SOAT1: variants seen among roughly 807,000 people sequenced by gnomAD.
SOAT1 encodes the protein acyl-coenzyme A:cholesterol acyltransferase 1.
SOAT1 carries 55 observed loss-of-function variants against 69.5 expected under a neutral mutation model. The ratio of observed to expected loss-of-function variants is 0.79; its 90% CI spans 0.64 to 0.99. SOAT1 has a LOEUF of 0.99. Among genes scored for constraint, SOAT1 ranks in the 50% least tolerant of loss-of-function variants. SOAT1 has a pLI of 0.00. For missense variants in SOAT1, 580 were observed against 669.3 expected (o/e 0.87, Z 1.47); for synonymous variants, 231 against 224.7 (o/e 1.03, Z -0.25).
intron 3 of SOAT1, among the ~76,000 whole-genome samples, chr1:179,327,561 A>G (rs931062078): frequency 6.6e-6 from 1 of 152,226 alleles, no homozygotes; most frequent in South Asian, 2.1e-4. Flanking sequence ...GTCCAGTCGA[A>G]TTTGAATTTC....
At chr1:179,306,437 C>T (rs573508710) in intron 2 of SOAT1, among the ~76,000 whole-genome samples, 2 of 152,250 alleles carry the variant, frequency 1.3e-5, no homozygotes, top group Admixed American at 6.5e-5. Flanking sequence ...GCAGTATTTC[C>T]TTCTTTTACT....
In SOAT1 at chr1:179,335,744, T is replaced by C. The variant is rs1252234611; in HGVS notation, c.329+87T>C. Reference sequence around the variant, plus strand: ...TGGACTGCGGCAAATATGCTTGAGTTCACACCCTGGTGTCACTTTCTATTG... The same window carrying C: ...TGGACTGCGGCAAATATGCTTGAGTCCACACCCTGGTGTCACTTTCTATTG... On this transcript the variant is annotated intron_variant, in intron 4 of 15. Transcript: ENST00000367619. The C allele has an allele frequency of 8.3e-6, 11 of 1,317,690 alleles. No homozygotes were observed. In the East Asian group the frequency reaches 2.6e-4, roughly 32 times the overall value. The allele number at this position is 1,317,690 out of a possible 1,614,324, so 81.6% of individuals were successfully genotyped here.
intron 3 of SOAT1, 98 bp from the exon 4 acceptor site, chr1:179,335,408 T>C (rs1412560667): frequency 9.4e-7 from 1 of 1,068,478 alleles, no homozygotes; most frequent in East Asian, 2.5e-5. Context: ...ATGTCTTTCT[T>C]TTGATCCAGC....
intron 8 of SOAT1, 33 bp from the exon 9 acceptor site, chr1:179,342,829 G>GC (rs1666386710): frequency 6.6e-7 from 1 of 1,513,230 alleles, no homozygotes; most frequent in African/African-American, 1.4e-5. Flanking sequence ...AAATCAAAGA[G>GC]CCTTTGCTCT....
intron 2 of SOAT1, among the ~76,000 whole-genome samples, chr1:179,321,900 T>G (rs1032327833): frequency 1.3e-5 from 2 of 152,008 alleles, no homozygotes; most frequent in Non-Finnish European, 2.9e-5. Context: ...TTTTTTTTTT[T>G]GAGACAGGGT....
In SOAT1 at chr1:179,302,791, C is replaced by T. The variant is rs775316827; in HGVS notation, c.107C>T (p.Thr36Ile). ...AACCCTGCAAAGGAGTCCCTAGAGACACCTAGTAATGGTGAGGCTTAATTT... is the reference window on the plus strand; with the variant it reads ...AACCCTGCAAAGGAGTCCCTAGAGATACCTAGTAATGGTGAGGCTTAATTT... Reference protein sequence around the residue: ...QRNPAKESLETPSNGRIDIKQ... With the variant: ...QRNPAKESLEIPSNGRIDIKQ... The change falls in exon 2 of 16, where the codon ACA becomes ATA. Residue 36 changes from threonine (T) to isoleucine (I), a missense_variant. Transcript: ENST00000367619. 2 of 1,569,148 alleles carry T rather than the reference C, an allele frequency of 1.3e-6. No individual in the cohort carries two copies. Among genetic ancestry groups the T allele is most frequent in the Admixed American group, 4.1e-5 (2 of 48,326 alleles).
At chr1:179,305,486 A>G (rs1268392771) in intron 2 of SOAT1, among the ~76,000 whole-genome samples, 2 of 112,188 alleles carry the variant, frequency 1.8e-5, no homozygotes, top group East Asian at 6.5e-4. Flanking sequence ...GTCAGTTGAT[A>G]TTTATTTTGG....
intron 1 of SOAT1, among the ~76,000 whole-genome samples, chr1:179,302,025 CTT>C (rs5779019): frequency 0.028 from 4,010 of 141,886 alleles, 145 homozygotes; most frequent in African/African-American, 0.088. Context: ...CTATTTAATC[CTT>C]TTTTTTTTTT....
rs149858295 is a variant in SOAT1 at position 179,353,632 on chromosome 1, C to A, written c.1644C>A (p.Tyr548Ter). 4 of 1,613,332 alleles carry A rather than the reference C, an allele frequency of 2.5e-6. No individual in the cohort carries two copies. The African/African-American group carries it at 5.3e-5, about 22-fold the overall frequency. ...YVRPRSWTCR[Y>*]VF ...GGCCACGTTCCTGGACTTGTCGTTA[C>A]GTGTTTTAGAAGCTTGGACTTTGTT... Residue 548 changes from tyrosine to a stop codon, truncating the protein, a stop_gained, in exon 16 of 16, where the codon TAC becomes TAA. Transcript: ENST00000367619. LOFTEE classifies it high-confidence loss of function.
chr1:179,323,923 G>C (rs546324564), intron 3 of SOAT1, among the ~76,000 whole-genome samples: 2 of 152,202 alleles, frequency 1.3e-5, no homozygotes, highest in South Asian at 2.1e-4. Flanking sequence ...ATTTCAAGTG[G>C]GGATAAATAG....
intron 2 of SOAT1, among the ~76,000 whole-genome samples, chr1:179,304,114 A>G (rs1037065660): frequency 6.6e-6 from 1 of 152,272 alleles, no homozygotes; most frequent in South Asian, 2.1e-4. Flanking sequence ...AAGTGTAACA[A>G]CCTCTTTGGT....
chr1:179,327,380 C>T (rs892117275), intron 3 of SOAT1, among the ~76,000 whole-genome samples: 22 of 152,260 alleles, frequency 1.4e-4, no homozygotes, highest in East Asian at 7.7e-4. Flanking sequence ...GAGAGCATTG[C>T]ACTAGTTGTC....
At chr1:179,295,345 C>T (rs59623089) in intron 1 of SOAT1, among the ~76,000 whole-genome samples, 2,680 of 152,280 alleles carry the variant, frequency 0.018, 84 homozygotes, top group African/African-American at 0.061. Flanking sequence ...CCACATATCA[C>T]TTCCTCTGGA....
chr1:179,323,045 C>CTTTTTTT (rs36045111), intron 2 of SOAT1, among the ~76,000 whole-genome samples: 9 of 126,734 alleles, frequency 7.1e-5, no homozygotes, highest in Non-Finnish European at 9.7e-5. Context: ...TCTTTTCTTT[C>CTTTTTTT]TTTTTTTTTT....
At position 179,357,061 on chromosome 1, in the gene SOAT1, A is replaced by G. The variant is rs1396700612; in HGVS notation, c.*3420A>G. ...TTTCATGTAATTTATGTAATACTAC[A>G]TAACAATGCTACATATGGTATGTAT... On this transcript the variant is annotated 3_prime_UTR_variant, in exon 16 of 16. Coordinates refer to ENST00000367619, the MANE Select transcript of SOAT1 (RefSeq NM_003101.6). 6.6e-6 allele frequency: 1 copy of G among 152,234 alleles called. No homozygotes were observed. Among genetic ancestry groups the G allele is most frequent in the Non-Finnish European group, 1.5e-5 (1 of 68,064 alleles). The allele number at this position is 152,234 out of a possible 1,614,324, so 9.4% of individuals were successfully genotyped here.
At chr1:179,306,493 C>G (rs998556807) in intron 2 of SOAT1, among the ~76,000 whole-genome samples, 1 of 152,126 alleles carries the variant, frequency 6.6e-6, no homozygotes, top group Non-Finnish European at 1.5e-5. Flanking sequence ...TGAAATGGCA[C>G]ACACTGAAGG....
At chr1:179,314,488 T>C (rs1665325581) in intron 2 of SOAT1, among the ~76,000 whole-genome samples, 1 of 152,194 alleles carries the variant, frequency 6.6e-6, no homozygotes, top group Non-Finnish European at 1.5e-5. Context: ...CTGATTGCAC[T>C]CCACATTTCC....
chr1:179,302,811 TA>T lies in SOAT1; in HGVS notation c.118+11del. The T allele has an allele frequency of 7.3e-6, 11 of 1,508,246 alleles. No individual in the cohort carries two copies. The highest frequency in any genetic ancestry group is 4.5e-5 in the Admixed American group (2 of 44,908). 93.4% of individuals were successfully genotyped at this position (1,508,246 alleles called of 1,614,324 possible). A position where few individuals can be genotyped will look rare whatever the true frequency, so the allele number is the denominator to read the frequency against. ...AGAGACACCTAGTAATGGTGAGGCT[TA>T]ATTTTTTTTTTTTAGGTGAATTAGT... On this transcript the variant is annotated intron_variant, in intron 2 of 15. Transcript: ENST00000367619.
intron 3 of SOAT1, among the ~76,000 whole-genome samples, chr1:179,324,224 A>G (rs1203313959): frequency 6.6e-6 from 1 of 152,234 alleles, no homozygotes; most frequent in African/African-American, 2.4e-5. Context: ...TTTTGTAATC[A>G]TATTTCATGA....
Sources: allele counts gnomAD v4.1 joint callset (sites outside exome capture counted in the v4.1 genomes callset), GRCh38; gene constraint gnomAD v4.1.1; transcripts MANE v1.5; gene names NCBI Gene and HGNC (gene_info 2026-07-23, HGNC 2026-07-21).